The following RALGAPA1 variants were observed in gnomAD, a reference collection of about 807,000 sequenced individuals.
The protein encoded by RALGAPA1 is Ral GTPase activating protein catalytic subunit alpha 1, also known as ral GTPase-activating protein subunit alpha-1.
A neutral mutation model predicts 269.6 loss-of-function variants in RALGAPA1; 52 were observed. The observed-to-expected ratio is 0.19, with a 90% CI of 0.15 to 0.24. The LOEUF is 0.24. Ranked by LOEUF, RALGAPA1 falls within the 10% of genes least tolerant of loss-of-function variation. RALGAPA1 has a pLI of 1.00. For missense variants in RALGAPA1, 1,917 were observed against 3,013.9 expected, an observed-to-expected ratio of 0.64 and a Z score of 8.52; for synonymous variants, 817 against 1,008.3, an observed-to-expected ratio of 0.81 and a Z score of 3.60.
At chr14:35,591,309 T>A (rs1328316685) in intron 37 of RALGAPA1, among the ~76,000 whole-genome samples, 1 of 152,086 alleles carries the variant, frequency 6.6e-6, no homozygotes, top group Non-Finnish European at 1.5e-5. Context: ...TGTATGTATG[T>A]ATGTATGTAT....
chr14:35,541,040 ATTTTTTTT>A (rs559979336), intron 41 of RALGAPA1, among the ~76,000 whole-genome samples: 23 of 89,170 alleles, frequency 2.6e-4, no homozygotes, highest in African/African-American at 9.5e-4. Context: ...GAACACTTCA[ATTTTTTTT>A]TTTTTTTTTT....
intron 33 of RALGAPA1, among the ~76,000 whole-genome samples, chr14:35,630,263 A>G (rs1304549794): frequency 6.6e-6 from 1 of 152,188 alleles, no homozygotes; most frequent in East Asian, 1.9e-4. Context: ...ACATAAATGT[A>G]AATATAAACA....
chr14:35,633,244 A>G (rs752606622), intron 33 of RALGAPA1, among the ~76,000 whole-genome samples: 2 of 152,200 alleles, frequency 1.3e-5, no homozygotes, highest in African/African-American at 2.4e-5. Context: ...TGCAAAGGTC[A>G]ACTATTATTT....
chr14:35,758,304 T>C (rs564704404), intron 6 of RALGAPA1, among the ~76,000 whole-genome samples: 2 of 151,222 alleles, frequency 1.3e-5, no homozygotes, highest in East Asian at 3.9e-4. Context: ...ATACAAACTT[T>C]ATCATCTGTA....
Position 35,731,497 on chromosome 14 carries a change from T to C in RALGAPA1, c.1588-2987A>G, listed in dbSNP as rs566164931. Among the ~76,000 whole-genome samples, 21 of 151,586 alleles carry C rather than the reference T, an allele frequency of 1.4e-4. No individual in the cohort carries two copies. The East Asian group carries it at 4.1e-3, about 29-fold the overall frequency. The stretch of plus-strand genomic sequence containing the variant: ...GAAATCCAGAAAATGATACAAGAAG[T>C]GAAGGGACAAATATTCAAGGAATTA... On this transcript the variant is annotated intron_variant, in intron 12 of 41. Transcript: ENST00000680220.
Position 35,689,210 on chromosome 14 carries a change from T to C in RALGAPA1, c.3201A>G (p.Ala1067=), listed in dbSNP as rs781726232. The part of the protein sequence containing the change: ...KEKRKHLYRQ[A]ATELDACVDV... ...CAACACAAGCATCTAATTCTGTGGC[T>C]GCTTGTCTGTACAGATGTTTCCTTT... The change falls in exon 18 of 42, where the codon GCA becomes GCG. Residue 1067 remains alanine (A), a synonymous_variant. Coordinates refer to ENST00000680220, the MANE Select transcript of RALGAPA1 (RefSeq NM_001346249.2). The C allele has an allele frequency of 4.1e-5, 50 of 1,232,878 alleles. No individual in the cohort carries two copies. The highest frequency in any genetic ancestry group is 4.9e-5 in the Non-Finnish European group (48 of 988,606). 76.4% of individuals were successfully genotyped at this position (1,232,878 alleles called of 1,614,324 possible).
intron 12 of RALGAPA1, among the ~76,000 whole-genome samples, chr14:35,730,128 C>A (rs1013785342): frequency 3.9e-5 from 6 of 152,138 alleles, no homozygotes; most frequent in Admixed American, 1.3e-4. Flanking sequence ...ATTGGGGAAA[C>A]TGAAGGTCTA....
intron 35 of RALGAPA1, among the ~76,000 whole-genome samples, chr14:35,613,665 A>G (rs1280848795): frequency 6.6e-6 from 1 of 152,082 alleles, no homozygotes; most frequent in East Asian, 1.9e-4. Context: ...CCATCTCTAC[A>G]TACCCATCTT....
intron 12 of RALGAPA1, among the ~76,000 whole-genome samples, chr14:35,734,938 A>G (rs1004892641): frequency 1.1e-4 from 16 of 152,154 alleles, no homozygotes; most frequent in Admixed American, 6.5e-5. Flanking sequence ...ATGGCCAACA[A>G]ACATGAAAAA....
At position 35,674,506 on chromosome 14, in the gene RALGAPA1, T is replaced by C; in HGVS notation, c.4818+10A>G. The C allele has an allele frequency of 6.3e-7, 1 of 1,597,280 alleles. No individual in the cohort carries two copies. The highest frequency in any genetic ancestry group is 8.5e-7 in the Non-Finnish European group (1 of 1,172,058). Reference sequence around the variant, plus strand: ...TTCTTCTCCACTTATATCCGCTATTTCTTTTTTACCTTAGCTAGATTCTGC... The same window carrying C: ...TTCTTCTCCACTTATATCCGCTATTCCTTTTTTACCTTAGCTAGATTCTGC... On this transcript the variant is annotated intron_variant, in intron 23 of 41. Transcript: ENST00000680220.
chr14:35,609,516 T>A (rs1004856605), intron 35 of RALGAPA1, among the ~76,000 whole-genome samples: 1 of 152,178 alleles, frequency 6.6e-6, no homozygotes, highest in Admixed American at 6.5e-5. Flanking sequence ...AAAGAAGTGC[T>A]CATTGGGAAA....
In RALGAPA1 at chr14:35,634,671, A is replaced by C. The variant is rs751034542; in HGVS notation, c.5898T>G (p.Asp1966Glu). The C allele has an allele frequency of 3.1e-6, 5 of 1,613,674 alleles. No individual in the cohort carries two copies. Among genetic ancestry groups the C allele is most frequent in the Non-Finnish European group, 2.5e-6 (3 of 1,179,752 alleles). Reference protein sequence around the residue: ...PMSLSDLASVDYDPFMHLESL... With the variant: ...PMSLSDLASVEYDPFMHLESL... Reference sequence around the variant, plus strand: ...TTTCCAAATGCATAAAAGGATCATAATCTACAGATGCCAAATCAGAGAGGC... The same window carrying C: ...TTTCCAAATGCATAAAAGGATCATACTCTACAGATGCCAAATCAGAGAGGC... The change falls in exon 33 of 42, where the codon GAT (aspartate) becomes GAG (glutamate). Residue 1966 changes from aspartate (D) to glutamate (E), a missense_variant. Around this residue, in one of 11 missense-constraint regions of RALGAPA1, gnomAD observed 346 missense variants for 566.1 expected, o/e 0.61. Coordinates refer to ENST00000680220, the MANE Select transcript of RALGAPA1 (RefSeq NM_001346249.2).
chr14:35,554,440 G>T (rs1415441112), intron 39 of RALGAPA1, among the ~76,000 whole-genome samples: 2 of 140,188 alleles, frequency 1.4e-5, no homozygotes, highest in African/African-American at 5.2e-5. Context: ...TCCGCCTCCC[G>T]GGTTCACGCC....
rs2053695155 is a variant in RALGAPA1, at chr14:35,538,369, G to T, written c.*1345C>A. 6.6e-6 allele frequency: 1 copy of T among 152,288 alleles called. No homozygotes were observed. Among genetic ancestry groups the T allele is most frequent in the Non-Finnish European group, 1.5e-5 (1 of 68,028 alleles). The allele number at this position is 152,288 out of a possible 1,614,324, so 9.4% of individuals were successfully genotyped here. On this transcript the variant is annotated 3_prime_UTR_variant, in exon 42 of 42. Coordinates refer to ENST00000680220, the MANE Select transcript of RALGAPA1 (RefSeq NM_001346249.2). ...AACACTCATGGATAGGAAGTGATAA[G>T]AATATTTTTATTGTATTATTAAATA...
rs528404457 is a variant in RALGAPA1 at position 35,741,427 on chromosome 14, G to A, written c.1449+941C>T. Reference sequence around the variant, plus strand: ...CATTTTTCCCTTTCTTAGAAGGGGGGAGGGTGCTCTATGTTTGTGTGTATA... The same window carrying A: ...CATTTTTCCCTTTCTTAGAAGGGGGAAGGGTGCTCTATGTTTGTGTGTATA... On this transcript the variant is annotated intron_variant, in intron 11 of 41. Coordinates refer to ENST00000680220, the MANE Select transcript of RALGAPA1 (RefSeq NM_001346249.2). Among the ~76,000 whole-genome samples, 39 of 151,894 alleles carry A rather than the reference G, an allele frequency of 2.6e-4. No individual in the cohort carries two copies. In the South Asian group the frequency reaches 4.8e-3, roughly 19 times the overall value.
In RALGAPA1 at chr14:35,748,829, AAT is replaced by A. The variant is rs2072394107; in HGVS notation, c.1012-7_1012-6del. The A allele has an allele frequency of 6.4e-7, 1 of 1,550,698 alleles. No individual in the cohort carries two copies. Among genetic ancestry groups the A allele is most frequent in the Non-Finnish European group, 8.6e-7 (1 of 1,162,124 alleles). ...TACTAAACTAGCAGCTGCTCTCTAA[AAT>A]ACAAAAAAAAAAAAAAAAGAGAGAA... On this transcript the variant is annotated splice_polypyrimidine_tract_variant and splice_region_variant and intron_variant, in intron 9 of 41. Coordinates refer to ENST00000680220, the MANE Select transcript of RALGAPA1 (RefSeq NM_001346249.2).
At position 35,538,483 on chromosome 14, in the gene RALGAPA1, A is replaced by G. The variant is rs1276782173; in HGVS notation, c.*1231T>C. The G allele has an allele frequency of 6.6e-6, 1 of 152,616 alleles. No individual in the cohort carries two copies. Among genetic ancestry groups the G allele is most frequent in the Non-Finnish European group, 1.5e-5 (1 of 68,036 alleles). 9.5% of individuals were successfully genotyped at this position (152,616 alleles called of 1,614,324 possible). ...TTATATTTTACGGTTTGCCAGTATG[A>G]TGTATTTACACATGCAGTTAGTACC... is the stretch of plus-strand genomic sequence containing the variant. On this transcript the variant is annotated 3_prime_UTR_variant, in exon 42 of 42. Transcript: ENST00000680220.
intron 39 of RALGAPA1, among the ~76,000 whole-genome samples, chr14:35,570,045 G>A (rs1008508581): frequency 1.4e-4 from 21 of 151,926 alleles, no homozygotes; most frequent in African/African-American, 3.6e-4. Context: ...CGAGGCGGGC[G>A]GATCACCCGA....
chr14:35,715,011 CTCTTT>C (rs1007996892), intron 16 of RALGAPA1, among the ~76,000 whole-genome samples: 1 of 152,070 alleles, frequency 6.6e-6, no homozygotes, highest in African/African-American at 2.4e-5. Context: ...AGTCTTTATG[CTCTTT>C]TCTTTGTCTT....
Sources: gnomAD v4.1 joint callset for allele counts (sites outside exome capture counted in the v4.1 genomes callset) on GRCh38, gnomAD v4.1.1 for gene constraint, gnomAD v4.1.1 regional missense constraint, MANE v1.5 for transcripts, NCBI Gene and HGNC (gene_info 2026-07-23, HGNC 2026-07-21) for gene names.